The following MME variants were observed in gnomAD, a reference collection of about 807,000 sequenced individuals.
MME encodes the protein membrane metalloendopeptidase, also known as neprilysin.
A neutral mutation model predicts 113.2 loss-of-function variants in MME; 98 were observed. That is an observed-to-expected ratio of 0.87 (90% CI 0.74 to 1.02). The LOEUF (loss-of-function observed/expected upper bound fraction) is 1.02. MME is among the 50% of genes least tolerant of loss of function. The pLI, the probability that MME is intolerant of heterozygous loss-of-function variation, is 0.00. For synonymous variants in MME, 292 were observed against 300.6 expected (o/e 0.97, Z 0.30); for missense variants, 836 against 896.0 (o/e 0.93, Z 0.86).
intron 16 of MME, among the ~76,000 whole-genome samples, chr3:155,157,865 C>G (rs1370003127): frequency 6.6e-6 from 1 of 152,112 alleles, no homozygotes; most frequent in African/African-American, 2.4e-5. Context: ...AAATAGCTAC[C>G]TATTTTCTTT....
intron 1 of MME, among the ~76,000 whole-genome samples, chr3:155,071,723 C>G (rs1307519528): frequency 6.6e-6 from 1 of 152,190 alleles, no homozygotes; most frequent in Non-Finnish European, 1.5e-5. Flanking sequence ...ACAGATCTAT[C>G]CAGTTGCCTG....
chr3:155,078,812 A>T (rs915201616), upstream of MME, among the ~76,000 whole-genome samples: 3 of 152,028 alleles, frequency 2.0e-5, no homozygotes, highest in Non-Finnish European at 4.4e-5. Context: ...TGCTAAAGGT[A>T]GCTTTTACAA....
intron 17 of MME, among the ~76,000 whole-genome samples, chr3:155,160,995 G>T (rs1340083715): frequency 6.6e-6 from 1 of 151,912 alleles, no homozygotes; most frequent in African/African-American, 2.4e-5. Context: ...TATTTACCTA[G>T]CCACAATTGA....
chr3:155,052,807 TC>T (rs1474479161), intron 1 of MME, among the ~76,000 whole-genome samples: 1 of 152,192 alleles, frequency 6.6e-6, no homozygotes, highest in Non-Finnish European at 1.5e-5. Context: ...CTTAAATTTC[TC>T]CCCCAGAAAA....
rs1715022228 is a variant in MME at position 155,080,425 on chromosome 3, T to C, written c.-52T>C. The C allele has an allele frequency of 6.6e-6, 1 of 152,256 alleles. No individual in the cohort carries two copies. Among genetic ancestry groups the C allele is most frequent in the African/African-American group, 2.4e-5 (1 of 41,426 alleles). 9.4% of individuals were successfully genotyped at this position (152,256 alleles called of 1,614,324 possible). A position where few individuals can be genotyped will look rare whatever the true frequency, so the allele number is the denominator to read the frequency against. On this transcript the variant is annotated 5_prime_UTR_variant, in exon 1 of 23. Coordinates refer to ENST00000360490, the MANE Select transcript of MME (RefSeq NM_007289.4). ...GGGGGCTGGGAATTTGCCATTCTGC[T>C]GTACAGACACTGATTTTTTTTTCTT...
At chr3:155,169,462 T>C (rs955108988) in intron 20 of MME, among the ~76,000 whole-genome samples, 8 of 152,124 alleles carry the variant, frequency 5.3e-5, no homozygotes, top group Non-Finnish European at 1.2e-4. Flanking sequence ...GATAAAGCAA[T>C]GAATGCTTTA....
chr3:155,027,221 T>C (rs1215978592), intron 1 of MME, among the ~76,000 whole-genome samples: 2 of 152,208 alleles, frequency 1.3e-5, no homozygotes, highest in Non-Finnish European at 2.9e-5. Context: ...CTTCTTGATA[T>C]ATTGCCTGGA....
intron 8 of MME, among the ~76,000 whole-genome samples, chr3:155,125,357 A>C (rs1456665013): frequency 6.9e-6 from 1 of 145,824 alleles, no homozygotes. Flanking sequence ...CTCAGATGGA[A>C]ATGCGGAAAT....
upstream of MME, chr3:155,079,630 T>TGGGGGGGGGGGGGGGGGGGG (rs1455585736): frequency 3.6e-5 from 1 of 27,484 alleles, no homozygotes; most frequent in African/African-American, 1.0e-4. Flanking sequence ...GGGTAGGGGG[T>TGGGGGGGGGGGGGGGGGGGG]GGGGGGGGTG....
chr3:155,146,818 T>C (rs936618828), intron 14 of MME, among the ~76,000 whole-genome samples: 3 of 151,654 alleles, frequency 2.0e-5, no homozygotes, highest in Admixed American at 6.6e-5. Flanking sequence ...TTCTAAAAAA[T>C]TGAAAAAAAA....
chr3:155,042,066 T>C (rs1012394631), intron 1 of MME, among the ~76,000 whole-genome samples: 2 of 152,170 alleles, frequency 1.3e-5, no homozygotes, highest in Non-Finnish European at 2.9e-5. Context: ...TATTTCAATT[T>C]AGGGTTTTAC....
intron 3 of MME, among the ~76,000 whole-genome samples, chr3:155,087,267 A>G (rs926640388): frequency 1.2e-5 from 1 of 85,634 alleles, no homozygotes; most frequent in Non-Finnish European, 2.5e-5. Context: ...TTTTTTTTGT[A>G]TCGTTTTTTG....
intron 3 of MME, chr3:155,089,848 G>C (rs749499853): frequency 4.4e-6 from 2 of 452,856 alleles, no homozygotes; most frequent in African/African-American, 2.0e-5. Flanking sequence ...GGTAGCACGC[G>C]CCTATAATCC....
chr3:155,052,638 T>C (rs1713799733), intron 1 of MME, among the ~76,000 whole-genome samples: 1 of 152,210 alleles, frequency 6.6e-6, no homozygotes, highest in Non-Finnish European at 1.5e-5. Context: ...AGGGGGGCCC[T>C]GGGTCCAGCC....
At chr3:155,082,614 A>G (rs1322474515) in intron 1 of MME, among the ~76,000 whole-genome samples, 1 of 152,170 alleles carries the variant, frequency 6.6e-6, no homozygotes, top group African/African-American at 2.4e-5. Flanking sequence ...GGTACATTAC[A>G]TTCCACTTTT....
chr3:155,142,009 T>A lies in MME; in HGVS notation c.976T>A (p.Phe326Ile), dbSNP rs897885686. ...INGKPFSWLN[F>I]TNEIMSTVNI... ...TTTCCAGCCATTCAGCTGGTTGAAT[T>A]TCACAAATGAAATCATGTCAACTGT... is the stretch of plus-strand genomic sequence containing the variant. Residue 326 changes from phenylalanine to isoleucine, a missense_variant, in exon 11 of 23, where the codon TTC becomes ATC. Coordinates refer to ENST00000360490, the MANE Select transcript of MME (RefSeq NM_007289.4). The A allele has an allele frequency of 3.7e-6, 6 of 1,613,680 alleles. No homozygotes were observed. In the Admixed American group the frequency reaches 5.0e-5, roughly 13 times the overall value.
At chr3:155,097,084 C>T (rs922304575) in intron 3 of MME, among the ~76,000 whole-genome samples, 3 of 152,108 alleles carry the variant, frequency 2.0e-5, no homozygotes, top group Non-Finnish European at 4.4e-5. Flanking sequence ...CAGCTGTTCA[C>T]CAAGCTAGGG....
intron 1 of MME, among the ~76,000 whole-genome samples, chr3:155,039,993 T>C (rs1050265108): frequency 3.1e-4 from 47 of 152,150 alleles, no homozygotes; most frequent in African/African-American, 1.0e-3. Context: ...ATATCCCTTA[T>C]GGCATTGGGT....
intron 3 of MME, among the ~76,000 whole-genome samples, chr3:155,088,489 G>A (rs576040853): frequency 6.6e-6 from 1 of 152,188 alleles, no homozygotes; most frequent in Non-Finnish European, 1.5e-5. Flanking sequence ...TTCAAGACCA[G>A]CCTGACCAAC....
Sources: allele counts gnomAD v4.1 joint callset (sites outside exome capture counted in the v4.1 genomes callset), GRCh38; gene constraint gnomAD v4.1.1; transcripts MANE v1.5; gene names NCBI Gene and HGNC (gene_info 2026-07-23, HGNC 2026-07-21).